The following DLGAP2 variants were observed in gnomAD, a reference collection of about 807,000 sequenced individuals.
DLGAP2 encodes DLG associated protein 2.
Under a neutral mutation model 100.3 loss-of-function variants are expected in DLGAP2, and 26 were observed. The ratio of observed to expected loss-of-function variants is 0.26; its 90% CI spans 0.19 to 0.36. The LOEUF (loss-of-function observed/expected upper bound fraction) is 0.36, where lower values mean the gene tolerates loss of function less well. Among genes scored for constraint, DLGAP2 ranks in the 10% least tolerant of loss-of-function variants. The pLI is 1.00. For synonymous variants in DLGAP2, 886 were observed against 630.1 expected (o/e 1.41, Z -6.08); for missense variants, 1,858 against 1,453.2 (o/e 1.28, Z -4.53).
intron 1 of DLGAP2, among the ~76,000 whole-genome samples, chr8:855,142 G>A (rs1797253093): frequency 1.3e-5 from 2 of 152,158 alleles, no homozygotes; most frequent in Admixed American, 1.3e-4. Flanking sequence ...TCTTCGTGTG[G>A]GTGGCAGTTG....
At chr8:1,523,778 C>T (rs773103702) in intron 4 of DLGAP2, among the ~76,000 whole-genome samples, 3 of 152,200 alleles carry the variant, frequency 2.0e-5, no homozygotes, top group Non-Finnish European at 4.4e-5. Context: ...GACAAGCTCC[C>T]GAGGGCCATC....
At chr8:1,580,418 C>G (rs971365857) in intron 6 of DLGAP2, among the ~76,000 whole-genome samples, 2 of 152,102 alleles carry the variant, frequency 1.3e-5, no homozygotes, top group Non-Finnish European at 2.9e-5. Flanking sequence ...TGGAAATTAC[C>G]CAGCGGAGGC....
At chr8:1,028,051 A>G (rs1222824010) in intron 2 of DLGAP2, among the ~76,000 whole-genome samples, 28 of 79,274 alleles carry the variant, frequency 3.5e-4, no homozygotes, top group Admixed American at 5.7e-4. Context: ...CTCGGTGCCC[A>G]TTATTCTCCA....
intron 2 of DLGAP2, among the ~76,000 whole-genome samples, chr8:1,194,441 G>A (rs1052171024): frequency 5.3e-5 from 8 of 152,140 alleles, no homozygotes; most frequent in African/African-American, 1.7e-4. Flanking sequence ...TGCCCAGGGC[G>A]GCCTCCAGGT....
At chr8:1,638,104 A>G (rs1027691582) in intron 8 of DLGAP2, among the ~76,000 whole-genome samples, 10 of 152,152 alleles carry the variant, frequency 6.6e-5, no homozygotes, top group African/African-American at 2.2e-4. Flanking sequence ...TCCATGCTGC[A>G]CCTGTAGTAC....
chr8:1,101,274 AG>A (rs1384614465), intron 2 of DLGAP2, among the ~76,000 whole-genome samples: 3 of 152,214 alleles, frequency 2.0e-5, no homozygotes, highest in Non-Finnish European at 4.4e-5. Flanking sequence ...TCACCAACAC[AG>A]GGTGGGGGGC....
chr8:962,089 A>G (rs1422116888), intron 2 of DLGAP2, among the ~76,000 whole-genome samples: 2 of 152,208 alleles, frequency 1.3e-5, no homozygotes, highest in African/African-American at 2.4e-5. Flanking sequence ...TTGTAAAAGC[A>G]TTTCTCTGAA....
chr8:1,266,307 A>C (rs1238213316), intron 3 of DLGAP2, among the ~76,000 whole-genome samples: 2 of 152,150 alleles, frequency 1.3e-5, no homozygotes, highest in African/African-American at 4.8e-5. Flanking sequence ...CTTTTATTGG[A>C]AATATTTGCA....
chr8:1,165,318 C>T (rs891438176), intron 2 of DLGAP2, among the ~76,000 whole-genome samples: 3 of 151,988 alleles, frequency 2.0e-5, no homozygotes, highest in African/African-American at 7.3e-5. Context: ...AGAGAGAGCA[C>T]GCGCATACAG....
intron 3 of DLGAP2, among the ~76,000 whole-genome samples, chr8:1,337,208 GTGA>G (rs755139154): frequency 9.9e-4 from 82 of 82,448 alleles, no homozygotes; most frequent in South Asian, 7.4e-3. Flanking sequence ...GGTGATGATG[GTGA>G]TGATGATGAG....
chr8:1,699,251 C>T (rs953937686), intron 14 of DLGAP2, among the ~76,000 whole-genome samples: 15 of 152,144 alleles, frequency 9.9e-5, no homozygotes, highest in African/African-American at 3.1e-4. Flanking sequence ...GTGGGTGGAT[C>T]ACGAGGTCAG....
intron 4 of DLGAP2, among the ~76,000 whole-genome samples, chr8:1,538,460 CT>C (rs2130481106): frequency 6.6e-6 from 1 of 152,294 alleles, no homozygotes; most frequent in East Asian, 1.9e-4. Context: ...TATTAACTTC[CT>C]CTTAGATCCC....
chr8:1,207,046 A>G (rs1014044016), intron 2 of DLGAP2, among the ~76,000 whole-genome samples: 3 of 152,104 alleles, frequency 2.0e-5, no homozygotes, highest in Non-Finnish European at 4.4e-5. Context: ...CACCCTCTCC[A>G]TTCCTAGATG....
chr8:745,268 T>C (rs1465842022), intron 1 of DLGAP2, among the ~76,000 whole-genome samples: 2 of 152,274 alleles, frequency 1.3e-5, no homozygotes, highest in African/African-American at 2.4e-5. Context: ...TTTCTGGCTA[T>C]ACTATATATA....
intron 2 of DLGAP2, among the ~76,000 whole-genome samples, chr8:1,255,352 T>C (rs1275573776): frequency 9.7e-6 from 1 of 102,756 alleles, no homozygotes; most frequent in African/African-American, 4.9e-5. Context: ...CCTGCCTGGG[T>C]GCTGTGTGTG....
At chr8:1,204,203 C>T (rs912934255) in intron 2 of DLGAP2, among the ~76,000 whole-genome samples, 7 of 152,214 alleles carry the variant, frequency 4.6e-5, no homozygotes, top group Admixed American at 1.3e-4. Flanking sequence ...AGAATATCAG[C>T]GGGTTTTTAT....
intron 2 of DLGAP2, among the ~76,000 whole-genome samples, chr8:930,568 G>A (rs2129003274): frequency 6.6e-6 from 1 of 152,340 alleles, no homozygotes; most frequent in African/African-American, 2.4e-5. Flanking sequence ...TCTAGTTAGT[G>A]GAGGAAACCT....
chr8:1,347,077 G>C, intron 3 of DLGAP2, among the ~76,000 whole-genome samples: 1 of 151,072 alleles, frequency 6.6e-6, no homozygotes, highest in Non-Finnish European at 1.5e-5. Flanking sequence ...ACACAGAGCT[G>C]AATTGCACTC....
At chr8:1,619,461 GTTTCA>G (rs1563260556) in intron 6 of DLGAP2, among the ~76,000 whole-genome samples, 1 of 152,062 alleles carries the variant, frequency 6.6e-6, no homozygotes, top group African/African-American at 2.4e-5. Context: ...ATATTTTTCT[GTTTCA>G]TTTCTATGTA....
Sources: gnomAD v4.1 joint callset for allele counts (sites outside exome capture counted in the v4.1 genomes callset) on GRCh38, gnomAD v4.1.1 for gene constraint, MANE v1.5 for transcripts, NCBI Gene and HGNC (gene_info 2026-07-23, HGNC 2026-07-21) for gene names.